The following SRGAP1 variants were observed in gnomAD, a reference collection of about 807,000 sequenced individuals.
SRGAP1 encodes the protein SLIT-ROBO Rho GTPase-activating protein 1.
A neutral mutation model predicts 121.9 loss-of-function variants in SRGAP1; 43 were observed. That is an observed-to-expected ratio of 0.35 (90% confidence interval 0.28 to 0.46). The LOEUF (loss-of-function observed/expected upper bound fraction) is 0.46, where lower values mean the gene tolerates loss of function less well. SRGAP1 is among the 20% of genes least tolerant of loss of function. The pLI is 1.00. For synonymous variants in SRGAP1, 447 were observed against 485.4 expected (o/e 0.92, Z 1.04); for missense variants, 1,102 against 1,350.9 (o/e 0.82, Z 2.89).
intron 3 of SRGAP1, among the ~76,000 whole-genome samples, chr12:64,013,644 G>A (rs1345765569): frequency 6.6e-6 from 1 of 152,138 alleles, no homozygotes; most frequent in African/African-American, 2.4e-5. Context: ...CTCCTCTAGG[G>A]CCTCTTTCAT....
chr12:64,081,685 A>G (rs2035844819), intron 10 of SRGAP1: 1 of 151,908 alleles, frequency 6.6e-6, no homozygotes, highest in Non-Finnish European at 1.5e-5. Flanking sequence ...CCTAGATATG[A>G]TAATGGTATT....
chr12:63,996,531 GTTTTC>G (rs975169392), intron 3 of SRGAP1, among the ~76,000 whole-genome samples: 3 of 151,984 alleles, frequency 2.0e-5, no homozygotes, highest in Non-Finnish European at 4.4e-5. Context: ...AATTCTTACT[GTTTTC>G]TTTTCTGGAG....
intron 10 of SRGAP1, 87 bp from the exon 11 acceptor site, chr12:64,086,911 TA>T: frequency 1.0e-6 from 1 of 976,052 alleles, no homozygotes; most frequent in Non-Finnish European, 1.6e-6. Flanking sequence ...CTCAGTGTTT[TA>T]AAATACCGGA....
intron 1 of SRGAP1, among the ~76,000 whole-genome samples, chr12:63,867,014 G>A (rs913394472): frequency 3.3e-5 from 5 of 152,050 alleles, no homozygotes; most frequent in Non-Finnish European, 7.3e-5. Flanking sequence ...GACTACAGGC[G>A]TTCATCACTA....
At chr12:63,894,105 C>T (rs1375450934) in intron 1 of SRGAP1, among the ~76,000 whole-genome samples, 3 of 152,220 alleles carry the variant, frequency 2.0e-5, no homozygotes, top group African/African-American at 7.2e-5. Flanking sequence ...TCCCAAAGTG[C>T]TGGGATTACA....
At chr12:63,974,117 T>G (rs994434931) in intron 1 of SRGAP1, among the ~76,000 whole-genome samples, 2 of 152,322 alleles carry the variant, frequency 1.3e-5, no homozygotes, top group Middle Eastern at 3.4e-3. Flanking sequence ...TAAATAAAAG[T>G]ACAATAGTGG....
chr12:63,856,337 G>T (rs67401817), intron 1 of SRGAP1, among the ~76,000 whole-genome samples: 43,042 of 151,786 alleles, frequency 0.28, 7,043 homozygotes, highest in East Asian at 0.55. Flanking sequence ...TTTTTAATCT[G>T]TTCACATGTA....
chr12:64,131,560 C>T (rs1268942345), intron 21 of SRGAP1, among the ~76,000 whole-genome samples: 1 of 152,162 alleles, frequency 6.6e-6, no homozygotes, highest in Non-Finnish European at 1.5e-5. Flanking sequence ...CATGCAGAAC[C>T]GTCTGTGAAC....
At chr12:64,043,055 A>G (rs1385206054) in intron 5 of SRGAP1, 83 bp downstream of exon 5, 40 of 915,164 alleles carry the variant, frequency 4.4e-5, no homozygotes. Context: ...TGATATCCAC[A>G]CATTGTAAGT....
chr12:63,962,214 T>G (rs2032662293), intron 1 of SRGAP1, among the ~76,000 whole-genome samples: 1 of 152,220 alleles, frequency 6.6e-6, no homozygotes, highest in South Asian at 2.1e-4. Context: ...TGAATATTCC[T>G]TTTTCAAACT....
chr12:64,108,283 T>TG (rs1032257381), intron 15 of SRGAP1, among the ~76,000 whole-genome samples: 1 of 152,176 alleles, frequency 6.6e-6, no homozygotes, highest in Admixed American at 6.6e-5. Context: ...AATCCTGTCT[T>TG]GGGGGAGCTC....
chr12:63,996,114 A>G (rs574596520), intron 3 of SRGAP1, among the ~76,000 whole-genome samples: 2 of 152,104 alleles, frequency 1.3e-5, no homozygotes, highest in Admixed American at 6.5e-5. Flanking sequence ...TGAATATAAA[A>G]ATAGATATAG....
intron 18 of SRGAP1, among the ~76,000 whole-genome samples, chr12:64,124,534 T>C (rs962293907): frequency 1.7e-4 from 26 of 152,230 alleles, no homozygotes; most frequent in African/African-American, 6.0e-4. Context: ...TTTTGTCCTG[T>C]TTATTATTGA....
At chr12:64,108,778 G>A (rs564763868) in intron 15 of SRGAP1, 154 bp from the exon 16 acceptor site, 15 of 437,574 alleles carry the variant, frequency 3.4e-5, no homozygotes, top group African/African-American at 2.6e-4. Flanking sequence ...TACCCAAGCC[G>A]ATCATTTATT....
At chr12:63,971,763 G>A (rs908380688) in intron 1 of SRGAP1, among the ~76,000 whole-genome samples, 1 of 148,416 alleles carries the variant, frequency 6.7e-6, no homozygotes, top group African/African-American at 2.5e-5. Context: ...TGTGTGTGTG[G>A]GTGTGTGTGT....
chr12:64,056,049 C>T (rs1396435311), intron 6 of SRGAP1, among the ~76,000 whole-genome samples: 1 of 143,098 alleles, frequency 7.0e-6, no homozygotes, highest in Non-Finnish European at 1.6e-5. Context: ...TGTCATCATC[C>T]TCCACACACA....
intron 18 of SRGAP1, among the ~76,000 whole-genome samples, chr12:64,121,753 A>G (rs989752282): frequency 6.6e-6 from 1 of 152,186 alleles, no homozygotes; most frequent in African/African-American, 2.4e-5. Context: ...CCATCATGCC[A>G]TCTGCCTTTT....
intron 1 of SRGAP1, among the ~76,000 whole-genome samples, chr12:63,948,772 A>C (rs916757468): frequency 4.1e-5 from 6 of 147,488 alleles, no homozygotes; most frequent in African/African-American, 1.2e-4. Context: ...CCATGTATAT[A>C]TATATTCCAT....
chr12:64,002,357 G>A (rs1316442932), intron 3 of SRGAP1, among the ~76,000 whole-genome samples: 1 of 152,156 alleles, frequency 6.6e-6, no homozygotes, highest in Non-Finnish European at 1.5e-5. Flanking sequence ...AAGAGGGTGG[G>A]GCAACAACCT....
Sources: allele counts gnomAD v4.1 joint callset (sites outside exome capture counted in the v4.1 genomes callset), GRCh38; gene constraint gnomAD v4.1.1; transcripts MANE v1.5; gene names NCBI Gene and HGNC (gene_info 2026-07-23, HGNC 2026-07-21).